PCDHA12: variants seen among roughly 807,000 people sequenced by gnomAD.
The protein encoded by PCDHA12 is protocadherin alpha-12.
PCDHA12 carries 44 observed loss-of-function variants against 60.0 expected under a neutral mutation model. The ratio of observed to expected loss-of-function variants is 0.73; its 90% CI spans 0.58 to 0.94. The LOEUF is 0.94. Among genes scored for constraint, PCDHA12 ranks in the 40% least tolerant of loss-of-function variants. The pLI, the probability that PCDHA12 is intolerant of heterozygous loss-of-function variation, is 0.00. For missense variants in PCDHA12, 1,276 were observed against 1,239.7 expected, an observed-to-expected ratio of 1.03 and a Z score of -0.44; for synonymous variants, 569 against 553.0, an observed-to-expected ratio of 1.03 and a Z score of -0.40.
At chr5:140,951,967 C>A (rs2094665815) in intron 1 of PCDHA12, among the ~76,000 whole-genome samples, 1 of 152,166 alleles carries the variant, frequency 6.6e-6, no homozygotes, top group South Asian at 2.1e-4. Context: ...GTAAATACTC[C>A]TGTTCCAAAA....
At chr5:140,943,136 T>A (rs1554215378) in intron 1 of PCDHA12, among the ~76,000 whole-genome samples, 1 of 151,240 alleles carries the variant, frequency 6.6e-6, no homozygotes, top group Non-Finnish European at 1.5e-5. Flanking sequence ...TGGGTGCCTG[T>A]AGTCCCAGCT....
intron 1 of PCDHA12, among the ~76,000 whole-genome samples, chr5:140,887,968 T>C (rs1434403033): frequency 6.6e-6 from 1 of 152,242 alleles, no homozygotes; most frequent in Non-Finnish European, 1.5e-5. Context: ...TTTGTCTCTT[T>C]TAAAATTTAT....
At chr5:140,933,592 G>T (rs1034374854) in intron 1 of PCDHA12, among the ~76,000 whole-genome samples, 2 of 151,986 alleles carry the variant, frequency 1.3e-5, no homozygotes, top group Non-Finnish European at 2.9e-5. Context: ...TTTTTAGGTT[G>T]ATTTGTCTTT....
chr5:140,928,392 G>T (rs17844366), intron 1 of PCDHA12: 1 of 1,614,052 alleles, frequency 6.2e-7, no homozygotes, highest in Admixed American at 1.7e-5. Context: ...TGCTGGCAGT[G>T]GAATCATCCA....
At chr5:140,921,965 A>T (rs1459699467) in intron 1 of PCDHA12, among the ~76,000 whole-genome samples, 1 of 152,112 alleles carries the variant, frequency 6.6e-6, no homozygotes. Flanking sequence ...AGAAAACCAA[A>T]GGAAAAAATA....
At chr5:140,981,584 A>G (rs556917015) in intron 2 of PCDHA12, among the ~76,000 whole-genome samples, 1 of 152,258 alleles carries the variant, frequency 6.6e-6, no homozygotes, top group Non-Finnish European at 1.5e-5. Context: ...AAAAATAAAT[A>G]AAATAAAACA....
At chr5:140,885,131 CT>C (rs1162868700) in intron 1 of PCDHA12, among the ~76,000 whole-genome samples, 1 of 152,024 alleles carries the variant, frequency 6.6e-6, no homozygotes, top group Non-Finnish European at 1.5e-5. Flanking sequence ...TTCTTTCTTT[CT>C]TTTTTTAAAC....
intron 1 of PCDHA12, chr5:140,928,085 T>G: frequency 1.9e-6 from 3 of 1,614,236 alleles, no homozygotes; most frequent in Non-Finnish European, 8.5e-7. Flanking sequence ...TACAGCCTGC[T>G]GATTGATGGG....
In PCDHA12 at chr5:140,876,660, G is replaced by A; in HGVS notation, c.1188G>A (p.Lys396=). ...ICSLTPHVPF[K]LVSTYKNYYS... Reference sequence around the variant, plus strand: ...CACTGACACCTCATGTTCCCTTCAAGCTGGTGTCCACCTACAAGAATTACT... The same window carrying A: ...CACTGACACCTCATGTTCCCTTCAAACTGGTGTCCACCTACAAGAATTACT... Residue 396 remains lysine, a synonymous_variant, in exon 1 of 4, where the codon AAG becomes AAA. Coordinates refer to ENST00000398631, the MANE Select transcript of PCDHA12 (RefSeq NM_018903.4). 6.2e-7 allele frequency: 1 copy of A among 1,614,216 alleles called. No homozygotes were observed. The highest frequency in any genetic ancestry group is 8.5e-7 in the Non-Finnish European group (1 of 1,180,044).
intron 1 of PCDHA12, chr5:140,966,895 G>T: frequency 6.3e-7 from 1 of 1,596,682 alleles, no homozygotes. Flanking sequence ...CGGCCTCCCA[G>T]CTGCGATACT....
intron 1 of PCDHA12, among the ~76,000 whole-genome samples, chr5:140,885,154 T>C (rs1483016887): frequency 2.0e-5 from 3 of 152,168 alleles, no homozygotes; most frequent in African/African-American, 7.2e-5. Context: ...GTTTTGATTG[T>C]CTCTACTTTT....
intron 1 of PCDHA12, chr5:140,928,071 C>CTACTACAGCCTGCTG: frequency 6.2e-7 from 1 of 1,614,220 alleles, no homozygotes; most frequent in South Asian, 1.1e-5. Context: ...CCTTTGACAA[C>CTACTACAGCCTGCTG]TACTACAGCC....
At chr5:140,983,739 G>A (rs983923811) in intron 3 of PCDHA12, among the ~76,000 whole-genome samples, 1 of 152,194 alleles carries the variant, frequency 6.6e-6, no homozygotes, top group African/African-American at 2.4e-5. Context: ...TGGCTGGCTT[G>A]CAATAATCCA....
chr5:140,927,676 G>A (rs2084491623), intron 1 of PCDHA12: 1 of 1,614,192 alleles, frequency 6.2e-7, no homozygotes, highest in South Asian at 1.1e-5. Flanking sequence ...GGATCCAGAT[G>A]AAGGGTCCAA....
intron 2 of PCDHA12, among the ~76,000 whole-genome samples, chr5:140,980,627 T>C (rs1482574235): frequency 6.6e-6 from 1 of 151,860 alleles, no homozygotes; most frequent in African/African-American, 2.4e-5. Context: ...AGACTCTGTC[T>C]CAGAAGAATA....
intron 1 of PCDHA12, among the ~76,000 whole-genome samples, chr5:140,881,159 T>A (rs1375537883): frequency 6.6e-6 from 1 of 152,188 alleles, no homozygotes; most frequent in Non-Finnish European, 1.5e-5. Context: ...AAAAGTAAGA[T>A]CCTCTTCCTC....
rs782371814 is a variant in PCDHA12 at position 140,882,829 on chromosome 5, G to A, written c.2367+4990G>A. On this transcript the variant is annotated intron_variant, in intron 1 of 3. Transcript: ENST00000398631. Reference sequence around the variant, plus strand: ...CTTTGGACGCACAAAACAGTCTTGAGCAAATGTCTTCATTATCACTTGTAC... The same window carrying A: ...CTTTGGACGCACAAAACAGTCTTGAACAAATGTCTTCATTATCACTTGTAC... The A allele has an allele frequency of 5.6e-6, 9 of 1,614,206 alleles. No homozygotes were observed. The South Asian group carries it at 8.8e-5, about 16-fold the overall frequency.
intron 1 of PCDHA12, chr5:140,927,814 G>T: frequency 6.2e-7 from 1 of 1,614,172 alleles, no homozygotes; most frequent in Non-Finnish European, 8.5e-7. Flanking sequence ...GCTCTTGGAG[G>T]CATACATTGA....
At chr5:140,947,171 A>G (rs2094098405) in intron 1 of PCDHA12, among the ~76,000 whole-genome samples, 2 of 151,546 alleles carry the variant, frequency 1.3e-5, no homozygotes, top group Non-Finnish European at 3.0e-5. Context: ...AAAATGTGGT[A>G]TATATTCATG....
Sources: gnomAD v4.1 joint callset for allele counts (sites outside exome capture counted in the v4.1 genomes callset) on GRCh38, gnomAD v4.1.1 for gene constraint, MANE v1.5 for transcripts, NCBI Gene and HGNC (gene_info 2026-07-23, HGNC 2026-07-21) for gene names.